TNIK: variants seen among roughly 807,000 people sequenced by gnomAD.
The protein encoded by TNIK is TRAF2 and NCK-interacting protein kinase.
In TNIK, 49 loss-of-function variants were observed where a neutral mutation model predicts 191.3. The ratio of observed to expected loss-of-function variants is 0.26; its 90% CI spans 0.20 to 0.32. The LOEUF (loss-of-function observed/expected upper bound fraction) is 0.32. Ranked by LOEUF, TNIK falls within the 10% of genes least tolerant of loss-of-function variation. The pLI, the probability that TNIK is intolerant of heterozygous loss-of-function variation, is 1.00. For synonymous variants in TNIK, 594 were observed against 600.9 expected, an observed-to-expected ratio of 0.99 and a Z score of 0.17; for missense variants, 1,155 against 1,702.3, an observed-to-expected ratio of 0.68 and a Z score of 5.66.
chr3:171,155,443 G>C (rs1373413981), intron 12 of TNIK, among the ~76,000 whole-genome samples: 1 of 152,250 alleles, frequency 6.6e-6, no homozygotes, highest in African/African-American at 2.4e-5. Flanking sequence ...AATGCTCTGT[G>C]GCCAGAAGCA....
chr3:171,060,419 C>A lies in TNIK; in HGVS notation c.*3462G>T, dbSNP rs1259513140. 6.6e-6 allele frequency among the ~76,000 whole-genome samples: 1 copy of A among 152,098 alleles called. No homozygotes were observed. Among genetic ancestry groups the A allele is most frequent in the East Asian group, 1.9e-4 (1 of 5,200 alleles). ...GTTTTTAAAAAACATGTACTTGATG[C>A]AAAGTATATTAGGAGTGCACCCTAG... is the stretch of plus-strand genomic sequence containing the variant. On this transcript the variant is annotated 3_prime_UTR_variant, in exon 33 of 33. Coordinates refer to ENST00000436636, the MANE Select transcript of TNIK (RefSeq NM_015028.4).
At chr3:171,279,410 C>T (rs1227633710) in intron 2 of TNIK, among the ~76,000 whole-genome samples, 1 of 152,104 alleles carries the variant, frequency 6.6e-6, no homozygotes, top group African/African-American at 2.4e-5. Context: ...TGTTTTTAGA[C>T]ACAGAACTCC....
At chr3:171,158,991 G>A (rs1052864315) in intron 11 of TNIK, among the ~76,000 whole-genome samples, 2 of 152,196 alleles carry the variant, frequency 1.3e-5, no homozygotes, top group African/African-American at 4.8e-5. Flanking sequence ...ATGAGAGGGA[G>A]AAGGGTATGA....
intron 18 of TNIK, among the ~76,000 whole-genome samples, chr3:171,118,204 T>C (rs1727071116): frequency 1.3e-5 from 2 of 152,130 alleles, no homozygotes; most frequent in South Asian, 2.1e-4. Context: ...TCAAAGAGAA[T>C]AAAATACCTA....
At chr3:171,069,401 T>A (rs574049278) in intron 29 of TNIK, among the ~76,000 whole-genome samples, 3 of 152,296 alleles carry the variant, frequency 2.0e-5, no homozygotes, top group African/African-American at 7.2e-5. Flanking sequence ...AACTACCCTT[T>A]CAGAGACAGC....
At chr3:171,420,193 C>A (rs1337678042) in intron 1 of TNIK, among the ~76,000 whole-genome samples, 1 of 152,148 alleles carries the variant, frequency 6.6e-6, no homozygotes. Context: ...GTCCCTGGGC[C>A]TCTGGAGCCT....
intron 2 of TNIK, among the ~76,000 whole-genome samples, chr3:171,354,145 T>C (rs971519410): frequency 4.6e-5 from 7 of 152,202 alleles, no homozygotes; most frequent in Non-Finnish European, 1.5e-5. Flanking sequence ...AAATTCATTA[T>C]ATATATGTAA....
chr3:171,252,825 T>C (rs1460530550), intron 2 of TNIK, among the ~76,000 whole-genome samples: 1 of 152,054 alleles, frequency 6.6e-6, no homozygotes, highest in African/African-American at 2.4e-5. Flanking sequence ...ATCTAAATCT[T>C]GAAGAACATA....
At chr3:171,242,502 T>C (rs924392729) in intron 2 of TNIK, among the ~76,000 whole-genome samples, 3 of 151,424 alleles carry the variant, frequency 2.0e-5, no homozygotes, top group African/African-American at 7.4e-5. Context: ...AAAAGATCAG[T>C]ATCAATCTGC....
At chr3:171,190,567 AT>A in intron 6 of TNIK, 129 bp downstream of exon 6, 1 of 673,664 alleles carries the variant, frequency 1.5e-6, no homozygotes, top group East Asian at 2.8e-5. Flanking sequence ...GCAAAGAAAC[AT>A]TTTCCTTTCC....
At chr3:171,455,925 A>C (rs1366801953) in intron 1 of TNIK, among the ~76,000 whole-genome samples, 1 of 152,216 alleles carries the variant, frequency 6.6e-6, no homozygotes, top group Non-Finnish European at 1.5e-5. Flanking sequence ...GGTTTAGTAA[A>C]GAAGCAGAAA....
chr3:171,200,564 T>C (rs1473077920), intron 4 of TNIK, among the ~76,000 whole-genome samples: 1 of 152,138 alleles, frequency 6.6e-6, no homozygotes, highest in Admixed American at 6.5e-5. Context: ...CTTCCTGTGC[T>C]TCTCCCCTCT....
intron 1 of TNIK, among the ~76,000 whole-genome samples, chr3:171,391,513 A>G (rs190873375): frequency 6.6e-6 from 1 of 152,346 alleles, no homozygotes. Flanking sequence ...CATAAACAAA[A>G]TTGACTGTAA....
At chr3:171,144,365 A>T (rs1197472288) in intron 12 of TNIK, among the ~76,000 whole-genome samples, 1 of 152,008 alleles carries the variant, frequency 6.6e-6, no homozygotes, top group Non-Finnish European at 1.5e-5. Flanking sequence ...TCTTCTGTTG[A>T]TGTTCGCCAA....
At chr3:171,105,104 A>AGC (rs1204101726) in intron 21 of TNIK, among the ~76,000 whole-genome samples, 4 of 150,186 alleles carry the variant, frequency 2.7e-5, no homozygotes, top group African/African-American at 5.1e-5. Context: ...TTAAATCATT[A>AGC]GCAATAACAA....
intron 9 of TNIK, among the ~76,000 whole-genome samples, chr3:171,168,783 T>G (rs1362573482): frequency 6.6e-6 from 1 of 152,190 alleles, no homozygotes; most frequent in Non-Finnish European, 1.5e-5. Flanking sequence ...TTCTTCCCAC[T>G]GAAAATCATC....
At chr3:171,064,171 A>G in intron 32 of TNIK, 2 of 521,156 alleles carry the variant, frequency 3.8e-6, no homozygotes, top group Non-Finnish European at 6.9e-6. Flanking sequence ...ATTATTCCTT[A>G]TTGTGGTATT....
At chr3:171,067,286 T>A (rs74375209) in intron 30 of TNIK, among the ~76,000 whole-genome samples, 5,163 of 151,464 alleles carry the variant, frequency 0.034, 131 homozygotes, top group Non-Finnish European at 0.05. Context: ...GAAAAAAAAA[T>A]ATATATATAG....
chr3:171,454,044 A>C lies in TNIK; in HGVS notation c.57+5963T>G, dbSNP rs1359998498. On this transcript the variant is annotated intron_variant, in intron 1 of 32. Transcript: ENST00000436636. ...CAAAAAATATCATTAAGATTTTCTT[A>C]GAATTCTCAGCACACTGCTAACAAA... is the stretch of plus-strand genomic sequence containing the variant. Among the ~76,000 whole-genome samples the C allele has an allele frequency of 3.3e-5, 5 of 152,258 alleles. No homozygotes were observed. The East Asian group carries it at 9.6e-4, about 29-fold the overall frequency.
Sources: gnomAD v4.1 joint callset for allele counts (sites outside exome capture counted in the v4.1 genomes callset) on GRCh38, gnomAD v4.1.1 for gene constraint, MANE v1.5 for transcripts, NCBI Gene and HGNC (gene_info 2026-07-23, HGNC 2026-07-21) for gene names.